IPMK: variants seen among roughly 807,000 people sequenced by gnomAD.
The protein encoded by IPMK is inositol 1,3,4,6-tetrakisphosphate 5-kinase.
Under a neutral mutation model 45.8 loss-of-function variants are expected in IPMK, and 17 were observed. The ratio of observed to expected loss-of-function variants is 0.37; its 90% CI spans 0.25 to 0.56. IPMK has a LOEUF of 0.56. IPMK is among the 20% of genes least tolerant of loss of function. IPMK has a pLI of 0.79. For synonymous variants in IPMK, 180 were observed against 184.3 expected, an observed-to-expected ratio of 0.98 and a Z score of 0.19; for missense variants, 399 against 498.0, an observed-to-expected ratio of 0.80 and a Z score of 1.89.
intron 4 of IPMK, 52 bp from the exon 5 acceptor site, chr10:58,199,373 G>C (rs375344318): frequency 1.3e-5 from 16 of 1,217,276 alleles, no homozygotes; most frequent in Non-Finnish European, 1.8e-5. Flanking sequence ...TGACCATGTG[G>C]GGTTATCCCA....
intron 4 of IPMK, among the ~76,000 whole-genome samples, chr10:58,214,248 G>A (rs1009682937): frequency 1.9e-4 from 29 of 152,296 alleles, no homozygotes; most frequent in Middle Eastern, 3.4e-3. Flanking sequence ...ATAGGAGGAC[G>A]GAAAATTCTT....
chr10:58,263,352 C>T (rs542856940), intron 1 of IPMK, among the ~76,000 whole-genome samples: 4 of 151,736 alleles, frequency 2.6e-5, no homozygotes, highest in African/African-American at 7.3e-5. Context: ...GGCAAAACCC[C>T]GTCTCTACTA....
intron 1 of IPMK, among the ~76,000 whole-genome samples, chr10:58,254,017 C>T (rs549536716): frequency 2.6e-5 from 4 of 152,172 alleles, no homozygotes; most frequent in African/African-American, 4.8e-5. Flanking sequence ...TGGGGAATTC[C>T]CTCTCTAGGT....
At chr10:58,252,796 G>A (rs1588971463) in intron 1 of IPMK, among the ~76,000 whole-genome samples, 1 of 152,014 alleles carries the variant, frequency 6.6e-6, no homozygotes, top group East Asian at 1.9e-4. Context: ...ATTTTTAGTA[G>A]AGATGGGGTT....
At chr10:58,242,353 G>A (rs940212758) in intron 1 of IPMK, among the ~76,000 whole-genome samples, 1 of 151,842 alleles carries the variant, frequency 6.6e-6, no homozygotes, top group Non-Finnish European at 1.5e-5. Context: ...TCAGCTACTC[G>A]GGAGGCTGAG....
intron 4 of IPMK, among the ~76,000 whole-genome samples, chr10:58,206,150 T>C (rs1030686463): frequency 6.6e-6 from 1 of 152,194 alleles, no homozygotes; most frequent in Non-Finnish European, 1.5e-5. Flanking sequence ...TATGACAACA[T>C]GGGTGAACTT....
chr10:58,267,494 G>T lies in IPMK; in HGVS notation c.118C>A (p.Leu40Ile). 1 of 1,613,606 alleles carries T rather than the reference G, an allele frequency of 6.2e-7. No individual in the cohort carries two copies. Among genetic ancestry groups the T allele is most frequent in the South Asian group, 1.1e-5 (1 of 91,078 alleles). ...GGCACGCAGCCGTTGAGGAAGCGGA[G>T]TCTGCCGCCCGCCGGCTGCGGGGTG... ...EGTPQPAGGR[L>I]RFLNGCVPLS... The change falls in exon 1 of 6, where the codon CTC (leucine) becomes ATC (isoleucine). Residue 40 changes from leucine to isoleucine, a missense_variant. Leu to Ile is a conservative substitution (Grantham distance 5). Transcript: ENST00000373935.
intron 1 of IPMK, among the ~76,000 whole-genome samples, chr10:58,250,566 C>G (rs554513445): frequency 1.3e-5 from 2 of 152,130 alleles, no homozygotes; most frequent in Non-Finnish European, 2.9e-5. Context: ...TCAGCTCTAA[C>G]AGTATTTTGG....
intron 4 of IPMK, chr10:58,212,692 G>T (rs2153281): frequency 0.3 from 74,360 of 244,488 alleles, 14,099 homozygotes; most frequent in African/African-American, 0.61. Context: ...AGCCTCTGTC[G>T]CAAAAGGTTT....
At chr10:58,222,827 G>A (rs1321703942) in intron 3 of IPMK, among the ~76,000 whole-genome samples, 1 of 152,112 alleles carries the variant, frequency 6.6e-6, no homozygotes, top group African/African-American at 2.4e-5. Flanking sequence ...TTGTTTTCAT[G>A]CCCAAAATAT....
At chr10:58,264,954 G>T (rs1490115961) in intron 1 of IPMK, among the ~76,000 whole-genome samples, 2 of 152,114 alleles carry the variant, frequency 1.3e-5, no homozygotes, top group African/African-American at 4.8e-5. Flanking sequence ...GATTGCCCCT[G>T]GGAGAATGAG....
chr10:58,220,608 T>C (rs1242203630), intron 3 of IPMK, among the ~76,000 whole-genome samples: 2 of 151,802 alleles, frequency 1.3e-5, no homozygotes, highest in African/African-American at 2.4e-5. Context: ...TGAGATAATA[T>C]ACAGTAAAGC....
intron 4 of IPMK, among the ~76,000 whole-genome samples, chr10:58,200,752 G>A (rs930406692): frequency 1.1e-4 from 17 of 152,198 alleles, no homozygotes; most frequent in South Asian, 4.2e-4. Context: ...AACGGTCCCC[G>A]AAAACATACA....
chr10:58,209,129 C>G (rs1214154517), intron 4 of IPMK, among the ~76,000 whole-genome samples: 2 of 152,206 alleles, frequency 1.3e-5, no homozygotes, highest in Non-Finnish European at 2.9e-5. Context: ...AGGCCTGAAT[C>G]TGGGGGGTGC....
chr10:58,226,292 C>T (rs759737256), intron 3 of IPMK, among the ~76,000 whole-genome samples: 23 of 152,184 alleles, frequency 1.5e-4, no homozygotes, highest in Non-Finnish European at 2.8e-4. Flanking sequence ...GAACTATCCA[C>T]ATCAGAAACA....
At chr10:58,210,080 C>T (rs1283853252) in intron 4 of IPMK, among the ~76,000 whole-genome samples, 1 of 151,920 alleles carries the variant, frequency 6.6e-6, no homozygotes, top group Non-Finnish European at 1.5e-5. Context: ...TGAGCTCAGA[C>T]TCTCCTTGGG....
chr10:58,199,095 CA>C, intron 5 of IPMK, 144 bp downstream of exon 5: 1 of 544,232 alleles, frequency 1.8e-6, no homozygotes, highest in South Asian at 2.6e-5. Context: ...ATGGTTAATC[CA>C]ATTCTGTAAA....
Position 58,214,837 on chromosome 10 carries a change from C to G in IPMK, c.546+1308G>C, listed in dbSNP as rs374102210. Among the ~76,000 whole-genome samples the G allele has an allele frequency of 4.6e-5, 7 of 152,316 alleles. No homozygotes were observed. The South Asian group carries it at 1.2e-3, about 27-fold the overall frequency. Reference sequence around the variant, plus strand: ...GTTTAGAGGACTTTACACCACATTACTTTGTTTTTTCTCTTTTTTATCAAA... The same window carrying G: ...GTTTAGAGGACTTTACACCACATTAGTTTGTTTTTTCTCTTTTTTATCAAA... On this transcript the variant is annotated intron_variant, in intron 4 of 5. Coordinates refer to ENST00000373935, the MANE Select transcript of IPMK (RefSeq NM_152230.5).
intron 3 of IPMK, 141 bp from the exon 4 acceptor site, chr10:58,216,458 C>T: frequency 2.4e-6 from 1 of 418,206 alleles, no homozygotes; most frequent in Non-Finnish European, 4.1e-6. Context: ...ATTCTTAACT[C>T]TACCTAAAAA....
Sources: gnomAD v4.1 joint callset for allele counts (sites outside exome capture counted in the v4.1 genomes callset) on GRCh38, gnomAD v4.1.1 for gene constraint, MANE v1.5 for transcripts, NCBI Gene and HGNC (gene_info 2026-07-23, HGNC 2026-07-21) for gene names.